The following NFATC3 variants were observed in gnomAD, a reference collection of about 807,000 sequenced individuals.
NFATC3 encodes nuclear factor of activated T-cells, cytoplasmic 3.
In NFATC3, 46 loss-of-function variants were observed where a neutral mutation model predicts 98.6. That is an observed-to-expected ratio of 0.47 (90% CI 0.37 to 0.60). NFATC3 has a LOEUF of 0.60. Ranked by LOEUF, NFATC3 falls within the 20% of genes least tolerant of loss-of-function variation. The pLI, the probability that NFATC3 is intolerant of heterozygous loss-of-function variation, is 0.00. For synonymous variants in NFATC3, 512 were observed against 472.2 expected (o/e 1.08, Z -1.09); for missense variants, 1,256 against 1,295.5 (o/e 0.97, Z 0.47).
chr16:68,205,911 T>C (rs2041126683), intron 9 of NFATC3, among the ~76,000 whole-genome samples: 1 of 152,040 alleles, frequency 6.6e-6, no homozygotes, highest in Admixed American at 6.6e-5. Flanking sequence ...TTTCTTTTTT[T>C]TTTTGAGATG....
chr16:68,105,646 T>G (rs2035614826), intron 1 of NFATC3, among the ~76,000 whole-genome samples: 1 of 152,174 alleles, frequency 6.6e-6, no homozygotes, highest in Non-Finnish European at 1.5e-5. Context: ...CCCTCTATTT[T>G]TTGGAAGAAT....
At chr16:68,131,633 C>G (rs530986509) in intron 3 of NFATC3, among the ~76,000 whole-genome samples, 1 of 150,882 alleles carries the variant, frequency 6.6e-6, no homozygotes, top group Non-Finnish European at 1.5e-5. Context: ...CAGCAGATAC[C>G]AAGCACAATC....
chr16:68,194,144 C>G (rs2151119656), intron 9 of NFATC3, among the ~76,000 whole-genome samples: 1 of 152,258 alleles, frequency 6.6e-6, no homozygotes, highest in East Asian at 1.9e-4. Flanking sequence ...TTTGAAAAAT[C>G]ACACAACTAG....
At chr16:68,144,293 A>T (rs1371865872) in intron 3 of NFATC3, among the ~76,000 whole-genome samples, 2 of 152,202 alleles carry the variant, frequency 1.3e-5, no homozygotes, top group African/African-American at 4.8e-5. Flanking sequence ...ACTGTTGTCA[A>T]GGATGCACAG....
At chr16:68,205,033 A>C (rs181100725) in intron 9 of NFATC3, among the ~76,000 whole-genome samples, 3 of 149,286 alleles carry the variant, frequency 2.0e-5, no homozygotes, top group Non-Finnish European at 3.0e-5. Flanking sequence ...CAAAGCCTAC[A>C]GTTAGTGTCT....
At chr16:68,086,589 G>C in intron 1 of NFATC3, 1 of 962,776 alleles carries the variant, frequency 1.0e-6, no homozygotes, top group Non-Finnish European at 1.2e-6. Flanking sequence ...TTTGTGACCT[G>C]GTTTGGAATA....
intron 1 of NFATC3, among the ~76,000 whole-genome samples, chr16:68,117,779 A>G (rs2036364075): frequency 1.3e-5 from 2 of 152,180 alleles, no homozygotes; most frequent in South Asian, 4.2e-4. Context: ...CGGCCTCCCA[A>G]AGTTCTGGGA....
chr16:68,104,704 T>A (rs1037978913), intron 1 of NFATC3, among the ~76,000 whole-genome samples: 1 of 148,666 alleles, frequency 6.7e-6, no homozygotes, highest in Non-Finnish European at 1.5e-5. Context: ...CAGGCTGGAG[T>A]GCAGTGGCGC....
At chr16:68,151,386 G>A (rs2038310656) in intron 3 of NFATC3, among the ~76,000 whole-genome samples, 1 of 152,104 alleles carries the variant, frequency 6.6e-6, no homozygotes, top group Admixed American at 6.5e-5. Flanking sequence ...AATTCCCTGA[G>A]TGGCATTACT....
chr16:68,171,596 C>A (rs2039463761), intron 5 of NFATC3, among the ~76,000 whole-genome samples: 1 of 151,818 alleles, frequency 6.6e-6, no homozygotes, highest in South Asian at 2.1e-4. Context: ...GCTTCAGCCT[C>A]CCAAATAGCT....
At chr16:68,177,032 C>CTTTTTTTTTTTTTTTT (rs548092276) in intron 6 of NFATC3, among the ~76,000 whole-genome samples, 19 of 133,106 alleles carry the variant, frequency 1.4e-4, no homozygotes, top group Non-Finnish European at 2.2e-4. Flanking sequence ...CTTTTCTTTT[C>CTTTTTTTTTTTTTTTT]TTTTTTTTTT....
intron 3 of NFATC3, among the ~76,000 whole-genome samples, chr16:68,147,562 T>C (rs1442511401): frequency 6.6e-6 from 1 of 152,202 alleles, no homozygotes; most frequent in Non-Finnish European, 1.5e-5. Flanking sequence ...TTCACAGTGC[T>C]CACAGGCAAG....
At chr16:68,212,905 T>C (rs1260550721) in intron 9 of NFATC3, among the ~76,000 whole-genome samples, 1 of 144,676 alleles carries the variant, frequency 6.9e-6, no homozygotes, top group Non-Finnish European at 1.5e-5. Flanking sequence ...TTCTTCTGCC[T>C]CAGCCTCCCA....
rs1016917352 is a variant in NFATC3 at position 68,226,966 on chromosome 16, C to T, written c.*495C>T. ...AAAAAAGAAAAAGAAAAAAATATCC[C>T]AAGCCCACACCTATGCCTCAGAAAG... is the stretch of plus-strand genomic sequence containing the variant. On this transcript the variant is annotated 3_prime_UTR_variant, in exon 10 of 10. Transcript: ENST00000346183. 3 of 145,480 alleles carry T rather than the reference C, an allele frequency of 2.1e-5. No homozygotes were observed. Among genetic ancestry groups the T allele is most frequent in the Non-Finnish European group, 4.5e-5 (3 of 66,290 alleles). The allele number at this position is 145,480 out of a possible 1,614,324, so 9.0% of individuals were successfully genotyped here.
intron 9 of NFATC3, chr16:68,209,721 T>TA: frequency 2.1e-6 from 1 of 473,910 alleles, no homozygotes; most frequent in Non-Finnish European, 4.2e-6. Flanking sequence ...TAGGTCTCTG[T>TA]AAAATTGACA....
chr16:68,088,436 C>G (rs1165836471), intron 1 of NFATC3, among the ~76,000 whole-genome samples: 2 of 138,746 alleles, frequency 1.4e-5, no homozygotes, highest in Admixed American at 1.5e-4. Context: ...TACTCATATA[C>G]TATATAATAT....
intron 1 of NFATC3, among the ~76,000 whole-genome samples, chr16:68,116,101 G>A (rs182834027): frequency 9.9e-5 from 15 of 152,216 alleles, no homozygotes; most frequent in Admixed American, 2.0e-4. Flanking sequence ...ACCATAGATA[G>A]TATATAAATG....
intron 3 of NFATC3, among the ~76,000 whole-genome samples, chr16:68,140,458 A>G (rs958834294): frequency 6.6e-6 from 1 of 152,222 alleles, no homozygotes; most frequent in Non-Finnish European, 1.5e-5. Flanking sequence ...TTCAATTTAA[A>G]TTAAACTGAA....
intron 9 of NFATC3, among the ~76,000 whole-genome samples, chr16:68,198,890 A>G (rs1451663495): frequency 6.6e-6 from 1 of 151,958 alleles, no homozygotes; most frequent in Non-Finnish European, 1.5e-5. Flanking sequence ...CTACTAAAAT[A>G]CAAAAAAACT....
Sources: allele counts gnomAD v4.1 joint callset (sites outside exome capture counted in the v4.1 genomes callset), GRCh38; gene constraint gnomAD v4.1.1; transcripts MANE v1.5; gene names NCBI Gene and HGNC (gene_info 2026-07-23, HGNC 2026-07-21).